VOPP1: variants seen among roughly 807,000 people sequenced by gnomAD.
VOPP1 encodes the protein WW domain binding protein VOPP1.
Under a neutral mutation model 23.5 loss-of-function variants are expected in VOPP1, and 8 were observed. The ratio of observed to expected loss-of-function variants is 0.34; its 90% CI spans 0.20 to 0.61. The LOEUF is 0.61. VOPP1 is among the 20% of genes least tolerant of loss of function. The pLI, the probability that VOPP1 is intolerant of heterozygous loss-of-function variation, is 0.78. For missense variants in VOPP1, 174 were observed against 238.1 expected (o/e 0.73, Z 1.77); for synonymous variants, 83 against 97.3 (o/e 0.85, Z 0.86).
downstream of VOPP1, among the ~76,000 whole-genome samples, chr7:55,466,546 C>T (rs950728928): frequency 6.6e-6 from 1 of 152,090 alleles, no homozygotes; most frequent in Non-Finnish European, 1.5e-5. Context: ...TCCTCTAGTG[C>T]CAGAGAAATT....
intron 1 of VOPP1, among the ~76,000 whole-genome samples, chr7:55,560,638 G>T (rs1156260669): frequency 1.3e-5 from 2 of 152,166 alleles, no homozygotes; most frequent in Non-Finnish European, 2.9e-5. Context: ...GACCTCCAGA[G>T]AGGGAAGATA....
chr7:55,536,018 G>C (rs930374644), intron 1 of VOPP1, among the ~76,000 whole-genome samples: 3 of 152,230 alleles, frequency 2.0e-5, no homozygotes, highest in Non-Finnish European at 4.4e-5. Context: ...TCCTCCTGCA[G>C]GGTTGGGTCT....
At chr7:55,535,997 A>G (rs1796763853) in intron 1 of VOPP1, among the ~76,000 whole-genome samples, 1 of 152,192 alleles carries the variant, frequency 6.6e-6, no homozygotes, top group Non-Finnish European at 1.5e-5. Context: ...TCATGCACTC[A>G]GGGCCCTGGC....
rs373711965 is a variant in VOPP1 at position 55,496,572 on chromosome 7, G to GT, written c.191+1040dup. ...CCTAAGGGAGGCCTGGCCAGCAGCTGTAAGGTCAGGTGAGGCCAAGGAGGT... is the reference window on the plus strand; with the variant it reads ...CCTAAGGGAGGCCTGGCCAGCAGCTGTTAAGGTCAGGTGAGGCCAAGGAGGT... On this transcript the variant is annotated intron_variant, in intron 3 of 4. Coordinates refer to ENST00000285279, the MANE Select transcript of VOPP1 (RefSeq NM_030796.5). Among the ~76,000 whole-genome samples the GT allele has an allele frequency of 3.2e-3, 485 of 152,356 alleles. 2 individuals are homozygous for GT. Among genetic ancestry groups the GT allele is most frequent in the African/African-American group, 0.011 (443 of 41,586 alleles).
intron 1 of VOPP1, among the ~76,000 whole-genome samples, chr7:55,537,243 C>CGTG (rs1796851695): frequency 6.6e-6 from 1 of 152,096 alleles, no homozygotes; most frequent in Non-Finnish European, 1.5e-5. Flanking sequence ...ATTTTGTACC[C>CGTG]CGAACACCCA....
At chr7:55,558,976 G>T (rs1280951018) in intron 1 of VOPP1, among the ~76,000 whole-genome samples, 4 of 152,196 alleles carry the variant, frequency 2.6e-5, no homozygotes, top group Non-Finnish European at 4.4e-5. Flanking sequence ...ATACCATCCT[G>T]CATTTCCTTC....
At chr7:55,542,116 T>A (rs546268091) in intron 1 of VOPP1, among the ~76,000 whole-genome samples, 2 of 152,346 alleles carry the variant, frequency 1.3e-5, no homozygotes. Flanking sequence ...AGCATGTATT[T>A]TTTTTAACAA....
chr7:55,499,690 G>C (rs977702585), intron 2 of VOPP1, among the ~76,000 whole-genome samples: 1 of 152,216 alleles, frequency 6.6e-6, no homozygotes, highest in East Asian at 1.9e-4. Flanking sequence ...TCTGAAAAGA[G>C]AGCACGCAGG....
chr7:55,443,113 C>T (rs899847327), intron 4 of VOPP1, among the ~76,000 whole-genome samples: 8 of 150,678 alleles, frequency 5.3e-5, no homozygotes, highest in South Asian at 2.1e-4. Context: ...AGCAAGACTC[C>T]GTCTCAAAAA....
intron 4 of VOPP1, among the ~76,000 whole-genome samples, chr7:55,482,628 C>G (rs1438014459): frequency 6.6e-6 from 1 of 151,962 alleles, no homozygotes; most frequent in Non-Finnish European, 1.5e-5. Flanking sequence ...CGTGAGCCAC[C>G]GCGTCCGGCC....
chr7:55,497,447 C>G (rs1794034046), intron 3 of VOPP1, among the ~76,000 whole-genome samples, 166 bp downstream of exon 3: 1 of 151,994 alleles, frequency 6.6e-6, no homozygotes, highest in Non-Finnish European at 1.5e-5. Flanking sequence ...ATGCGTGCAA[C>G]TGCCGGTCAT....
At chr7:55,559,364 C>G (rs1274478543) in intron 1 of VOPP1, among the ~76,000 whole-genome samples, 2 of 152,162 alleles carry the variant, frequency 1.3e-5, no homozygotes, top group Non-Finnish European at 2.9e-5. Context: ...GGAAGGTGAG[C>G]ACTGCCCATT....
intron 1 of VOPP1, among the ~76,000 whole-genome samples, chr7:55,533,603 A>G (rs1055294880): frequency 6.6e-6 from 1 of 152,112 alleles, no homozygotes; most frequent in Non-Finnish European, 1.5e-5. Flanking sequence ...ACTGCCTGGA[A>G]ACTCCCCTGA....
intron 2 of VOPP1, among the ~76,000 whole-genome samples, chr7:55,517,647 A>C (rs117752102): frequency 0.011 from 1,670 of 152,212 alleles, 11 homozygotes; most frequent in Middle Eastern, 0.02. Context: ...CAGAGATCAA[A>C]AATAACGTAC....
intron 2 of VOPP1, 105 bp downstream of exon 2, chr7:55,520,967 G>C: frequency 8.1e-7 from 1 of 1,232,788 alleles, no homozygotes; most frequent in Non-Finnish European, 1.1e-6. Flanking sequence ...GCAGAGGCTG[G>C]GCCACGCCGG....
intron 2 of VOPP1, among the ~76,000 whole-genome samples, chr7:55,519,514 G>A (rs574397560): frequency 6.7e-6 from 1 of 150,368 alleles, no homozygotes; most frequent in South Asian, 2.1e-4. Context: ...AGCTAAACAA[G>A]GAAATAGGCG....
intron 4 of VOPP1, among the ~76,000 whole-genome samples, chr7:55,460,937 C>A (rs1475438644): frequency 6.6e-6 from 1 of 152,072 alleles, no homozygotes; most frequent in African/African-American, 2.4e-5. Context: ...CATTCAGTGG[C>A]ACCAACCCAA....
intron 1 of VOPP1, chr7:55,538,587 A>G: frequency 6.5e-7 from 1 of 1,532,974 alleles, no homozygotes; most frequent in Non-Finnish European, 8.7e-7. Flanking sequence ...GTTTAATAAC[A>G]AACATAATAA....
At chr7:55,565,536 A>G (rs943173647) in intron 1 of VOPP1, among the ~76,000 whole-genome samples, 1 of 152,250 alleles carries the variant, frequency 6.6e-6, no homozygotes, top group African/African-American at 2.4e-5. Flanking sequence ...TGGATTTTAA[A>G]AAATAGTGTT....
Sources: allele counts gnomAD v4.1 joint callset (sites outside exome capture counted in the v4.1 genomes callset), GRCh38; gene constraint gnomAD v4.1.1; transcripts MANE v1.5; gene names NCBI Gene and HGNC (gene_info 2026-07-23, HGNC 2026-07-21).